The following SGCE variants were observed in gnomAD, a reference collection of about 807,000 sequenced individuals.
SGCE encodes epsilon-sarcoglycan.
SGCE carries 26 observed loss-of-function variants against 57.8 expected under a neutral mutation model. The observed-to-expected ratio is 0.45, with a 90% CI of 0.33 to 0.62. The LOEUF (loss-of-function observed/expected upper bound fraction) is 0.62. Among genes scored for constraint, SGCE ranks in the 20% least tolerant of loss-of-function variants. The pLI is 0.02. For missense variants in SGCE, 468 were observed against 548.6 expected, an observed-to-expected ratio of 0.85 and a Z score of 1.47; for synonymous variants, 183 against 189.5, an observed-to-expected ratio of 0.97 and a Z score of 0.28.
chr7:94,655,047 T>C (rs2117127642), intron 1 of SGCE, among the ~76,000 whole-genome samples: 1 of 152,338 alleles, frequency 6.6e-6, no homozygotes, highest in South Asian at 2.1e-4. Flanking sequence ...ATAAAATATA[T>C]ATGTTCATAG....
intron 1 of SGCE, among the ~76,000 whole-genome samples, chr7:94,643,989 A>G (rs1047085279): frequency 1.3e-5 from 2 of 152,198 alleles, no homozygotes; most frequent in African/African-American, 4.8e-5. Flanking sequence ...CTCCAAAGAC[A>G]CTGGACTATC....
chr7:94,626,971 CTAA>C (rs2116947442), intron 3 of SGCE: 1 of 152,010 alleles, frequency 6.6e-6, no homozygotes, highest in African/African-American at 2.4e-5. Flanking sequence ...CTTCTTTAAT[CTAA>C]TAATGTGGTG....
intron 5 of SGCE, among the ~76,000 whole-genome samples, chr7:94,610,289 A>G (rs919510255): frequency 1.3e-5 from 2 of 152,218 alleles, no homozygotes; most frequent in Non-Finnish European, 2.9e-5. Context: ...GAAACATGTC[A>G]TTATACATTT....
chr7:94,591,128 C>A (rs1476843190), intron 9 of SGCE, among the ~76,000 whole-genome samples: 3 of 152,010 alleles, frequency 2.0e-5, no homozygotes, highest in Non-Finnish European at 4.4e-5. Flanking sequence ...CTTGTTTGTT[C>A]TTTCAGAATT....
intron 5 of SGCE, among the ~76,000 whole-genome samples, chr7:94,611,565 G>T (rs1475065467): frequency 6.6e-6 from 1 of 152,064 alleles, no homozygotes; most frequent in East Asian, 1.9e-4. Flanking sequence ...TCTAAAATTG[G>T]TTATAATAAT....
intron 1 of SGCE, among the ~76,000 whole-genome samples, chr7:94,637,103 T>C (rs1477068760): frequency 2.6e-5 from 4 of 152,060 alleles, no homozygotes; most frequent in African/African-American, 7.2e-5. Flanking sequence ...TTGTCAAATT[T>C]ATTTTATATA....
intron 9 of SGCE, among the ~76,000 whole-genome samples, chr7:94,594,090 G>A (rs1798063518): frequency 6.6e-6 from 1 of 151,976 alleles, no homozygotes. Context: ...GACCTAAAAT[G>A]TTATTACTTG....
intron 5 of SGCE, among the ~76,000 whole-genome samples, chr7:94,608,608 T>G (rs1222910862): frequency 6.6e-6 from 1 of 152,154 alleles, no homozygotes; most frequent in Non-Finnish European, 1.5e-5. Flanking sequence ...AGACCCAGAA[T>G]AGCCAAAACA....
intron 1 of SGCE, chr7:94,639,530 T>C (rs1156419696): frequency 5.0e-6 from 4 of 795,774 alleles, no homozygotes; most frequent in Non-Finnish European, 8.2e-6. Flanking sequence ...TCACCTACAA[T>C]TAACTGGGAT....
At chr7:94,638,066 G>A (rs1158054919) in intron 1 of SGCE, among the ~76,000 whole-genome samples, 1 of 152,208 alleles carries the variant, frequency 6.6e-6, no homozygotes, top group Non-Finnish European at 1.5e-5. Flanking sequence ...TTCCCTTGAA[G>A]GAACTTGGGA....
At chr7:94,654,358 TA>T (rs1472306728) in intron 1 of SGCE, among the ~76,000 whole-genome samples, 1 of 152,182 alleles carries the variant, frequency 6.6e-6, no homozygotes, top group African/African-American at 2.4e-5. Context: ...TCTCAATTTT[TA>T]GAAAAATAAT....
chr7:94,639,377 T>C (rs1806064666), intron 1 of SGCE: 1 of 1,535,508 alleles, frequency 6.5e-7, no homozygotes. Context: ...CTGCTGATAA[T>C]AAAATTGTTG....
chr7:94,612,310 A>G (rs1403430721), intron 5 of SGCE, among the ~76,000 whole-genome samples: 2 of 152,214 alleles, frequency 1.3e-5, no homozygotes, highest in African/African-American at 4.8e-5. Flanking sequence ...AACCTGAGGT[A>G]TAAAAACAAA....
At chr7:94,585,672 A>T (rs533461406) in intron 10 of SGCE, among the ~76,000 whole-genome samples, 157 bp from the exon 11 acceptor site, 1 of 152,266 alleles carries the variant, frequency 6.6e-6, no homozygotes, top group South Asian at 2.1e-4. Flanking sequence ...TGGTTTTTTT[A>T]AAAAACAGAA....
In SGCE at chr7:94,623,350, C is replaced by G; in HGVS notation, c.438G>C (p.Leu146Phe). The G allele has an allele frequency of 6.2e-7, 1 of 1,602,798 alleles. No homozygotes were observed. The highest frequency in any genetic ancestry group is 1.3e-5 in the African/African-American group (1 of 74,732). Reference sequence around the variant, plus strand: ...CTTCTGCAGACATTATATTAATTATCAAATTATGCCTTGCAGTCTCAAAGG... The same window carrying G: ...CTTCTGCAGACATTATATTAATTATGAAATTATGCCTTGCAGTCTCAAAGG... ...RRTFETARHNLIINIMSAEDF... is the reference protein window; with the variant it reads ...RRTFETARHNFIINIMSAEDF... The change falls in exon 4 of 11, where the codon TTG becomes TTC. Residue 146 changes from leucine (L) to phenylalanine (F), a missense_variant. Leu to Phe is a conservative substitution (Grantham distance 22). Transcript: ENST00000648936.
intron 4 of SGCE, chr7:94,619,282 G>A: frequency 4.9e-6 from 1 of 204,094 alleles, no homozygotes; most frequent in East Asian, 1.3e-4. Context: ...ATCTTTTGGG[G>A]AGCATGCTAA....
intron 1 of SGCE, among the ~76,000 whole-genome samples, chr7:94,652,919 G>C (rs1031754216): frequency 6.6e-6 from 1 of 152,034 alleles, no homozygotes; most frequent in Admixed American, 6.6e-5. Context: ...AGAAAGTCCA[G>C]TTATTATTTG....
At chr7:94,622,891 ATATACT>A (rs1158382057) in intron 4 of SGCE, among the ~76,000 whole-genome samples, 1 of 152,154 alleles carries the variant, frequency 6.6e-6, no homozygotes, top group African/African-American at 2.4e-5. Context: ...ATATTATCAC[ATATACT>A]TAGACTATTA....
chr7:94,616,306 T>C (rs1801929127), intron 5 of SGCE, among the ~76,000 whole-genome samples: 1 of 152,068 alleles, frequency 6.6e-6, no homozygotes, highest in Non-Finnish European at 1.5e-5. Flanking sequence ...TTATTACTTG[T>C]GGCTGACATG....
Sources: allele counts gnomAD v4.1 joint callset (sites outside exome capture counted in the v4.1 genomes callset), GRCh38; gene constraint gnomAD v4.1.1; transcripts MANE v1.5; gene names NCBI Gene and HGNC (gene_info 2026-07-23, HGNC 2026-07-21).